DNA2: variants seen among roughly 807,000 people sequenced by gnomAD.
DNA2 encodes DNA replication helicase/nuclease 2, also known as DNA replication ATP-dependent helicase/nuclease DNA2.
In DNA2, 101 loss-of-function variants were observed where a neutral mutation model predicts 119.1. The ratio of observed to expected loss-of-function variants is 0.85; its 90% CI spans 0.72 to 1.00. DNA2 has a LOEUF of 1.00. Ranked by LOEUF, DNA2 falls within the 50% of genes least tolerant of loss-of-function variation. DNA2 has a pLI of 0.00. For missense variants in DNA2, 1,121 were observed against 1,255.5 expected (o/e 0.89, Z 1.62); for synonymous variants, 366 against 424.4 (o/e 0.86, Z 1.69).
chr10:68,455,282 A>G (rs889525097), intron 5 of DNA2, among the ~76,000 whole-genome samples: 1 of 152,180 alleles, frequency 6.6e-6, no homozygotes, highest in African/African-American at 2.4e-5. Flanking sequence ...CACAGAGACC[A>G]GAATGTTATA....
intron 6 of DNA2, among the ~76,000 whole-genome samples, chr10:68,449,097 C>G (rs2052084323): frequency 6.6e-6 from 1 of 152,010 alleles, no homozygotes; most frequent in South Asian, 2.1e-4. Context: ...CTGTGCTGGC[C>G]TGAAATGCTT....
rs2052388364 is a variant in DNA2, at chr10:68,471,973, T to C, written c.-109A>G. The stretch of plus-strand genomic sequence containing the variant: ...CGCGAGCCTGCGCACCTCGCGCGCA[T>C]GCGCCAACCCGCAGATGTCCCAAAT... On this transcript the variant is annotated 5_prime_UTR_variant, in exon 1 of 21. An upstream start codon of the reference 5' UTR is lost. Coordinates refer to ENST00000358410, the MANE Select transcript of DNA2 (RefSeq NM_001080449.3). The C allele has an allele frequency of 6.2e-7, 1 of 1,611,918 alleles. No individual in the cohort carries two copies. Among genetic ancestry groups the C allele is most frequent in the African/African-American group, 1.3e-5 (1 of 74,900 alleles).
At chr10:68,428,612 T>G (rs75270147) in intron 14 of DNA2, among the ~76,000 whole-genome samples, 4,025 of 152,276 alleles carry the variant, frequency 0.026, 86 homozygotes, top group South Asian at 0.085. Flanking sequence ...ATGCAGTACA[T>G]CCATGCTATG....
intron 3 of DNA2, among the ~76,000 whole-genome samples, chr10:68,466,516 G>T (rs541416302): frequency 2.7e-5 from 4 of 150,834 alleles, no homozygotes; most frequent in African/African-American, 9.7e-5. Context: ...TTTTTGGCAA[G>T]GAATTTTTCT....
chr10:68,419,278 A>C, intron 18 of DNA2, 65 bp from the exon 19 acceptor site: 1 of 1,255,554 alleles, frequency 8.0e-7, no homozygotes, highest in African/African-American at 1.6e-5. Flanking sequence ...TTCTGAATTT[A>C]ATAATTAAAT....
chr10:68,452,532 A>G (rs1247585726), intron 5 of DNA2, among the ~76,000 whole-genome samples: 1 of 151,910 alleles, frequency 6.6e-6, no homozygotes, highest in Non-Finnish European at 1.5e-5. Flanking sequence ...AGTTGTTACT[A>G]AAATTCAATG....
Position 68,446,423 on chromosome 10 carries a change from C to T in DNA2, c.940-10G>A, listed in dbSNP as rs1475303411. ...GAGTGTACAGAACAACCTGTGCAAACATTGACATTTGCTCAAACAAAACTA... is the reference window on the plus strand; with the variant it reads ...GAGTGTACAGAACAACCTGTGCAAATATTGACATTTGCTCAAACAAAACTA... On this transcript the variant is annotated splice_polypyrimidine_tract_variant and intron_variant, in intron 6 of 20. Coordinates refer to ENST00000358410, the MANE Select transcript of DNA2 (RefSeq NM_001080449.3). The T allele has an allele frequency of 2.0e-6, 3 of 1,510,090 alleles. No homozygotes were observed. Among genetic ancestry groups the T allele is most frequent in the African/African-American group, 2.8e-5 (2 of 72,448 alleles). 93.5% of individuals were successfully genotyped at this position (1,510,090 alleles called of 1,614,324 possible).
intron 4 of DNA2, among the ~76,000 whole-genome samples, chr10:68,465,296 C>T (rs868603499): frequency 7.9e-5 from 12 of 151,958 alleles, no homozygotes; most frequent in Middle Eastern, 6.4e-3. Flanking sequence ...GGATTACAGG[C>T]GTGAGCCACC....
chr10:68,469,932 A>G, intron 2 of DNA2, 49 bp downstream of exon 2: 4 of 1,530,362 alleles, frequency 2.6e-6, no homozygotes, highest in Non-Finnish European at 3.5e-6. Flanking sequence ...GAGTTTTACG[A>G]CAGTACCCTT....
At chr10:68,417,523 G>A (rs768273720) in intron 19 of DNA2, among the ~76,000 whole-genome samples, 11 of 151,310 alleles carry the variant, frequency 7.3e-5, no homozygotes, top group African/African-American at 7.3e-5. Context: ...GTATGGTGGC[G>A]CATGCCTGTA....
intron 17 of DNA2, 105 bp downstream of exon 17, chr10:68,422,120 G>T: frequency 1.1e-6 from 1 of 939,190 alleles, no homozygotes; most frequent in Non-Finnish European, 1.5e-6. Context: ...GCCTAGTTTT[G>T]CCTTTTAACT....
intron 3 of DNA2, among the ~76,000 whole-genome samples, chr10:68,467,235 C>T (rs1354728582): frequency 6.6e-6 from 1 of 151,698 alleles, no homozygotes; most frequent in Admixed American, 6.6e-5. Flanking sequence ...CTCAGCCTCT[C>T]GAGTAGCTAG....
At chr10:68,454,316 A>C (rs976268522) in intron 5 of DNA2, among the ~76,000 whole-genome samples, 1 of 151,996 alleles carries the variant, frequency 6.6e-6, no homozygotes, top group Non-Finnish European at 1.5e-5. Flanking sequence ...GATTCTGAGA[A>C]TCATGCTTAT....
chr10:68,469,736 A>G (rs2052364820), intron 2 of DNA2, among the ~76,000 whole-genome samples: 1 of 152,066 alleles, frequency 6.6e-6, no homozygotes, highest in Non-Finnish European at 1.5e-5. Context: ...AAGTGCTGGG[A>G]TTACAGGTGT....
chr10:68,442,639 G>A (rs973040640), intron 9 of DNA2, among the ~76,000 whole-genome samples: 7 of 152,222 alleles, frequency 4.6e-5, no homozygotes, highest in Admixed American at 1.3e-4. Flanking sequence ...CACCCACCTC[G>A]GCCTCCCAAA....
intron 4 of DNA2, among the ~76,000 whole-genome samples, chr10:68,462,975 C>G (rs1353389672): frequency 2.0e-5 from 3 of 150,550 alleles, no homozygotes; most frequent in Non-Finnish European, 3.0e-5. Flanking sequence ...CTAACAAATG[C>G]AAAAAAATTA....
At chr10:68,469,390 C>CAAAAAAA (rs71019005) in intron 2 of DNA2, among the ~76,000 whole-genome samples, 4 of 76,040 alleles carry the variant, frequency 5.3e-5, no homozygotes, top group African/African-American at 1.3e-4. Context: ...ACTAAAAATA[C>CAAAAAAA]AAAAAAAAAA....
chr10:68,450,112 A>C lies in DNA2; in HGVS notation c.855T>G (p.His285Gln). The change falls in exon 6 of 21, where the codon CAT (histidine) becomes CAG (glutamine). Residue 285 changes from histidine to glutamine, a missense_variant. Transcript: ENST00000358410. The stretch of plus-strand genomic sequence containing the variant: ...TCTTGTATTTTGTTTTATACCCTCG[A>C]TGTATTTTCACACCAACTGTAACAT... ...KIDVTVGVKI[H>Q]RGYKTKYKIM... The C allele has an allele frequency of 6.2e-7, 1 of 1,605,224 alleles. No individual in the cohort carries two copies. The highest frequency in any genetic ancestry group is 1.1e-5 in the South Asian group (1 of 89,686).
rs759174372 is a variant in DNA2, at chr10:68,416,831, G to A, written c.2992C>T (p.Arg998Ter). 45 of 1,609,276 alleles carry A rather than the reference G, an allele frequency of 2.8e-5. No homozygotes were observed. The highest frequency in any genetic ancestry group is 1.6e-4 in the Middle Eastern group (1 of 6,066). Residue 998 changes from arginine to a stop codon, truncating the protein, a stop_gained, in exon 20 of 21, where the codon CGA (arginine) becomes TGA (stop). Coordinates refer to ENST00000358410, the MANE Select transcript of DNA2 (RefSeq NM_001080449.3). LOFTEE classifies it high-confidence loss of function. Reference protein sequence around the residue: ...GTVGELLKDWRRLNVAITRAK... With the variant: ...GTVGELLKDW ...CTGGTTATAGCAACATTAAGACGTC[G>A]CCAATCTTTCAAGAGTTCACCAACC...
Sources: gnomAD v4.1 joint callset for allele counts (sites outside exome capture counted in the v4.1 genomes callset) on GRCh38, gnomAD v4.1.1 for gene constraint, MANE v1.5 for transcripts, NCBI Gene and HGNC (gene_info 2026-07-23, HGNC 2026-07-21) for gene names.